The following PTPN22 variants were observed in gnomAD, a reference collection of about 807,000 sequenced individuals.
PTPN22 encodes the protein protein tyrosine phosphatase non-receptor type 22, also known as tyrosine-protein phosphatase non-receptor type 22.
PTPN22 carries 85 observed loss-of-function variants against 103.3 expected under a neutral mutation model. The ratio of observed to expected loss-of-function variants is 0.82; its 90% CI spans 0.69 to 0.99. The LOEUF (loss-of-function observed/expected upper bound fraction) is 0.99, where lower values mean the gene tolerates loss of function less well. PTPN22 is among the 50% of genes least tolerant of loss of function. PTPN22 has a pLI of 0.00. For missense variants in PTPN22, 865 were observed against 936.9 expected, an observed-to-expected ratio of 0.92 and a Z score of 1.00; for synonymous variants, 323 against 310.2, an observed-to-expected ratio of 1.04 and a Z score of -0.43.
In PTPN22 at chr1:113,856,549, C is replaced by G. The variant is rs746672873; in HGVS notation, c.479G>C (p.Cys160Ser). 9 of 1,614,192 alleles carry G rather than the reference C, an allele frequency of 5.6e-6. No individual in the cohort carries two copies. In the East Asian group the frequency reaches 2.0e-4, roughly 36 times the overall value. ...CATGAGAACAGACATTACACTTACA[C>G]AGGATACAGAGAAAGGGCCAAATTC... Residue 160 changes from cysteine to serine, a missense_variant and splice_region_variant, in exon 6 of 21, where the codon TGT (cysteine) becomes TCT (serine). Transcript: ENST00000359785.
intron 15 of PTPN22, among the ~76,000 whole-genome samples, chr1:113,833,816 T>C (rs1209017158): frequency 6.6e-6 from 1 of 152,194 alleles, no homozygotes; most frequent in East Asian, 1.9e-4. Flanking sequence ...AGGTTTATCT[T>C]AAGTAATATG....
intron 1 of PTPN22, among the ~76,000 whole-genome samples, chr1:113,860,362 A>G (rs1320014344): frequency 6.6e-6 from 1 of 152,204 alleles, no homozygotes; most frequent in East Asian, 1.9e-4. Context: ...ATGTATAGGT[A>G]AAAACAACAT....
chr1:113,860,212 G>A (rs1479461976), intron 1 of PTPN22, among the ~76,000 whole-genome samples: 1 of 151,968 alleles, frequency 6.6e-6, no homozygotes, highest in Admixed American at 6.6e-5. Context: ...CAAACTCCTG[G>A]GCTCAAGCAA....
At chr1:113,856,315 A>G in intron 7 of PTPN22, 67 bp downstream of exon 7, 1 of 1,484,206 alleles carries the variant, frequency 6.7e-7, no homozygotes, top group Non-Finnish European at 8.9e-7. Context: ...CCTGAGCTAC[A>G]CACATCTATA....
intron 19 of PTPN22, 56 bp from the exon 20 acceptor site, chr1:113,819,710 G>T: frequency 8.5e-7 from 1 of 1,176,974 alleles, no homozygotes; most frequent in African/African-American, 1.5e-5. Context: ...TCAGATGACT[G>T]TTGATCAGAT....
At chr1:113,848,285 A>C (rs781722118) in intron 11 of PTPN22, among the ~76,000 whole-genome samples, 1 of 151,688 alleles carries the variant, frequency 6.6e-6, no homozygotes, top group Non-Finnish European at 1.5e-5. Flanking sequence ...ACCTCAGGTG[A>C]TCTGCCTGCC....
exon 1 of PTPN22, chr1:113,871,689 C>T (rs1666599744): frequency 7.0e-7 from 1 of 1,435,756 alleles, no homozygotes; most frequent in East Asian, 2.3e-5. Context: ...TGTGTCATGG[C>T]CGAGACACCT....
At chr1:113,859,112 G>C (rs1293187966) in intron 2 of PTPN22, 34 bp from the exon 3 acceptor site, 1 of 1,609,240 alleles carries the variant, frequency 6.2e-7, no homozygotes, top group Non-Finnish European at 8.5e-7. Context: ...GTACAATTAA[G>C]AGGGCTTAGT....
chr1:113,863,024 A>G (rs565612959), intron 1 of PTPN22, among the ~76,000 whole-genome samples: 1 of 152,330 alleles, frequency 6.6e-6, no homozygotes, highest in South Asian at 2.1e-4. Flanking sequence ...AATTGGGGTG[A>G]GTAAACCAAG....
intron 20 of PTPN22, among the ~76,000 whole-genome samples, chr1:113,816,247 T>C (rs373461673): frequency 5.3e-5 from 8 of 151,894 alleles, no homozygotes; most frequent in South Asian, 2.1e-4. Flanking sequence ...CCAAGGCAGG[T>C]GGATCGCTTG....
intron 19 of PTPN22, among the ~76,000 whole-genome samples, chr1:113,821,173 T>C (rs1661566957): frequency 6.6e-6 from 1 of 152,134 alleles, no homozygotes; most frequent in Admixed American, 6.5e-5. Flanking sequence ...GTTATATACA[T>C]CCTTCAGAAA....
intron 3 of PTPN22, 53 bp downstream of exon 3, chr1:113,858,948 CT>C (rs1031986744): frequency 5.7e-6 from 9 of 1,581,922 alleles, no homozygotes; most frequent in Admixed American, 1.8e-5. Flanking sequence ...CAGCCCTCCC[CT>C]TTTTTTGGGT....
chr1:113,858,973 T>G, intron 3 of PTPN22, 29 bp downstream of exon 3: 3 of 1,606,930 alleles, frequency 1.9e-6, no homozygotes, highest in Non-Finnish European at 2.6e-6. Flanking sequence ...TAGAGAAATA[T>G]GGAATGCTTT....
exon 12 of PTPN22, chr1:113,838,585 G>A (rs1571385877): frequency 6.2e-7 from 1 of 1,613,706 alleles, no homozygotes; most frequent in East Asian, 2.2e-5. Context: ...CTTGGAGAGT[G>A]TGATTTTTCT....
intron 1 of PTPN22, among the ~76,000 whole-genome samples, chr1:113,866,389 T>C (rs1666118270): frequency 6.6e-6 from 1 of 152,048 alleles, no homozygotes; most frequent in African/African-American, 2.4e-5. Flanking sequence ...CACACTCCTG[T>C]AGTCCCAGCT....
chr1:113,860,871 G>A (rs1665520501), intron 1 of PTPN22, among the ~76,000 whole-genome samples: 2 of 152,102 alleles, frequency 1.3e-5, no homozygotes, highest in Admixed American at 6.5e-5. Context: ...CTTGTGGAAC[G>A]CTTTCTAGGG....
chr1:113,849,612 C>G (rs913095264), intron 10 of PTPN22, among the ~76,000 whole-genome samples: 1 of 148,216 alleles, frequency 6.7e-6, no homozygotes, highest in Non-Finnish European at 1.5e-5. Context: ...TTTTGAGACA[C>G]GGTCTCACCG....
exon 13 of PTPN22, chr1:113,838,131 C>G: frequency 6.2e-7 from 1 of 1,614,044 alleles, no homozygotes; most frequent in Non-Finnish European, 8.5e-7. Context: ...TAGAACATCC[C>G]TCAAACAAAA....
intron 13 of PTPN22, among the ~76,000 whole-genome samples, chr1:113,837,321 G>A (rs947507216): frequency 9.2e-5 from 14 of 151,884 alleles, no homozygotes; most frequent in Admixed American, 2.6e-4. Flanking sequence ...GTGGTGGCGC[G>A]CGCCTGTAAT....
Sources: gnomAD v4.1 joint callset for allele counts (sites outside exome capture counted in the v4.1 genomes callset) on GRCh38, gnomAD v4.1.1 for gene constraint, MANE v1.5 for transcripts, NCBI Gene and HGNC (gene_info 2026-07-23, HGNC 2026-07-21) for gene names.